CDC73: variants seen among roughly 807,000 people sequenced by gnomAD.
CDC73 encodes cell division cycle 73.
Under a neutral mutation model 83.7 loss-of-function variants are expected in CDC73, and 21 were observed. That is an observed-to-expected ratio of 0.25 (90% CI 0.18 to 0.36). The LOEUF is 0.36. Among genes scored for constraint, CDC73 ranks in the 10% least tolerant of loss-of-function variants. The probability of loss-of-function intolerance (pLI) is 1.00; values close to 1 mark genes in which losing one functional copy is unlikely to be tolerated. For missense variants in CDC73, 342 were observed against 653.3 expected (o/e 0.52, Z 5.19); for synonymous variants, 224 against 212.9 (o/e 1.05, Z -0.45).
intron 10 of CDC73, among the ~76,000 whole-genome samples, chr1:193,161,612 ATATAT>A (rs1421497338): frequency 2.9e-5 from 2 of 70,166 alleles, no homozygotes; most frequent in East Asian, 2.6e-4. Context: ...AATAGATAAT[ATATAT>A]TATATGATAG....
intron 11 of CDC73, among the ~76,000 whole-genome samples, chr1:193,204,217 G>GTA (rs1474875893): frequency 1.6e-4 from 2 of 12,390 alleles, no homozygotes; most frequent in Non-Finnish European, 3.9e-4. Context: ...GTATATATAT[G>GTA]TATATATATG....
At chr1:193,171,839 AT>A (rs1418742440) in intron 10 of CDC73, among the ~76,000 whole-genome samples, 1 of 152,154 alleles carries the variant, frequency 6.6e-6, no homozygotes, top group Non-Finnish European at 1.5e-5. Flanking sequence ...CTCAATCAAT[AT>A]TTTTTAATAA....
At chr1:193,170,763 A>C (rs1347183294) in intron 10 of CDC73, among the ~76,000 whole-genome samples, 1 of 152,190 alleles carries the variant, frequency 6.6e-6, no homozygotes, top group Non-Finnish European at 1.5e-5. Context: ...TTTGCTGTGC[A>C]GAATCTCTTT....
At chr1:193,225,077 C>T (rs1247083765) in intron 13 of CDC73, among the ~76,000 whole-genome samples, 2 of 151,702 alleles carry the variant, frequency 1.3e-5, no homozygotes, top group Non-Finnish European at 2.9e-5. Flanking sequence ...TTTCGTCATT[C>T]TCATGCCTTT....
intron 11 of CDC73, among the ~76,000 whole-genome samples, chr1:193,204,411 T>A (rs1314616454): frequency 6.6e-6 from 1 of 151,304 alleles, no homozygotes; most frequent in Non-Finnish European, 1.5e-5. Context: ...TGCCTCAGCC[T>A]CCCAAGTAGC....
chr1:193,246,194 C>T (rs1677950902), intron 15 of CDC73, among the ~76,000 whole-genome samples: 1 of 151,790 alleles, frequency 6.6e-6, no homozygotes, highest in Admixed American at 6.6e-5. Flanking sequence ...AAGCCTTTTC[C>T]CAGACCAGTG....
At chr1:193,199,401 A>G (rs1677052493) in intron 10 of CDC73, among the ~76,000 whole-genome samples, 1 of 152,102 alleles carries the variant, frequency 6.6e-6, no homozygotes, top group Non-Finnish European at 1.5e-5. Flanking sequence ...CCTTAAAAAA[A>G]AGACTCATTC....
chr1:193,219,507 G>A (rs771379015), intron 13 of CDC73, among the ~76,000 whole-genome samples: 10 of 152,050 alleles, frequency 6.6e-5, no homozygotes, highest in African/African-American at 9.7e-5. Context: ...TTCCATCAGT[G>A]GTGGATTGGA....
chr1:193,199,568 C>T (rs561173281), intron 10 of CDC73, among the ~76,000 whole-genome samples: 25 of 151,500 alleles, frequency 1.7e-4, no homozygotes, highest in East Asian at 1.6e-3. Context: ...AAACATTAGC[C>T]GGACATTGAT....
intron 10 of CDC73, among the ~76,000 whole-genome samples, chr1:193,195,743 G>A (rs1676992205): frequency 6.6e-6 from 1 of 152,064 alleles, no homozygotes; most frequent in Admixed American, 6.5e-5. Context: ...TTGATTTGCT[G>A]TTCCCTAACG....
intron 15 of CDC73, among the ~76,000 whole-genome samples, chr1:193,239,557 T>TA (rs1402368004): frequency 1.3e-5 from 2 of 152,254 alleles, no homozygotes; most frequent in Non-Finnish European, 2.9e-5. Context: ...ATATTTTAGA[T>TA]ATGTTATACT....
intron 10 of CDC73, among the ~76,000 whole-genome samples, chr1:193,193,353 A>G (rs1006849531): frequency 6.6e-6 from 1 of 152,200 alleles, no homozygotes; most frequent in African/African-American, 2.4e-5. Flanking sequence ...ATAGCAAGAT[A>G]ATTGGAAATA....
chr1:193,211,572 CAA>C (rs1677281566), intron 11 of CDC73, among the ~76,000 whole-genome samples: 2 of 152,208 alleles, frequency 1.3e-5, no homozygotes, highest in South Asian at 4.1e-4. Context: ...AGGCCATTCG[CAA>C]GTAAAACAAG....
chr1:193,176,693 T>A (rs1676608914), intron 10 of CDC73, among the ~76,000 whole-genome samples: 2 of 152,194 alleles, frequency 1.3e-5, no homozygotes, highest in Admixed American at 6.5e-5. Context: ...TATGTTAATC[T>A]CATAGTGAAA....
intron 15 of CDC73, among the ~76,000 whole-genome samples, chr1:193,248,735 G>C (rs953155786): frequency 5.3e-5 from 8 of 152,056 alleles, no homozygotes; most frequent in Non-Finnish European, 1.0e-4. Context: ...AGGAAATAAA[G>C]ATAGGGTGTG....
chr1:193,217,789 C>T (rs895541536), intron 13 of CDC73, among the ~76,000 whole-genome samples: 1 of 151,998 alleles, frequency 6.6e-6, no homozygotes, highest in Admixed American at 6.6e-5. Context: ...GAGGGTGGAG[C>T]CCTAGCCAGG....
intron 10 of CDC73, among the ~76,000 whole-genome samples, chr1:193,203,372 A>C (rs1043919095): frequency 2.6e-5 from 4 of 152,122 alleles, no homozygotes; most frequent in African/African-American, 9.7e-5. Context: ...AATATAACAT[A>C]TTTTAGGTTT....
Position 193,220,157 on chromosome 1 carries a change from CTTT to C in CDC73, c.1154+7705_1154+7707del, listed in dbSNP as rs776793164. 1.8e-3 allele frequency among the ~76,000 whole-genome samples: 197 copies of C among 108,742 alleles called. 1 individual carries two copies. Among genetic ancestry groups the C allele is most frequent in the African/African-American group, 6.4e-3 (180 of 28,094 alleles). 71.3% of individuals were successfully genotyped at this position (108,742 alleles called of 152,430 possible). On this transcript the variant is annotated intron_variant, in intron 13 of 16. Transcript: ENST00000367435. ...TTTCTCAGTAAAGTAACAATGATAA[CTTT>C]TTTTTTTTTTTTTTTTTTTTTTTTG...
At chr1:193,178,311 T>G (rs1449324493) in intron 10 of CDC73, among the ~76,000 whole-genome samples, 1 of 152,156 alleles carries the variant, frequency 6.6e-6, no homozygotes, top group Non-Finnish European at 1.5e-5. Context: ...TACATAGATT[T>G]TATAAATTTT....
Sources: gnomAD v4.1 joint callset for allele counts (sites outside exome capture counted in the v4.1 genomes callset) on GRCh38, gnomAD v4.1.1 for gene constraint, MANE v1.5 for transcripts, NCBI Gene and HGNC (gene_info 2026-07-23, HGNC 2026-07-21) for gene names.